TPGS1: variants seen among roughly 807,000 people sequenced by gnomAD.
TPGS1 encodes gene trap ROSA b-geo 22.
In TPGS1, 18 loss-of-function variants were observed where a neutral mutation model predicts 11.9. The ratio of observed to expected loss-of-function variants is 1.51; its 90% CI spans 1.04 to 2.24. The LOEUF (loss-of-function observed/expected upper bound fraction) is 2.24, where lower values mean the gene tolerates loss of function less well. Among genes scored for constraint, TPGS1 ranks in the 30% most tolerant of loss-of-function variants. TPGS1 has a pLI of 0.00. For missense variants in TPGS1, 500 were observed against 443.0 expected, an observed-to-expected ratio of 1.13 and a Z score of -1.16; for synonymous variants, 247 against 218.2, an observed-to-expected ratio of 1.13 and a Z score of -1.16.
intron 1 of TPGS1, among the ~76,000 whole-genome samples, chr19:516,777 G>C (rs11085085): frequency 1.3e-5 from 2 of 152,020 alleles, no homozygotes; most frequent in Non-Finnish European, 2.9e-5. Flanking sequence ...GCAGGAACTC[G>C]CTGGGCCTGT....
chr19:515,237 A>G (rs1978915447), intron 1 of TPGS1, among the ~76,000 whole-genome samples: 2 of 152,050 alleles, frequency 1.3e-5, no homozygotes, highest in South Asian at 4.2e-4. Flanking sequence ...GATTGTGGGG[A>G]GAGAAATACC....
chr19:508,027 T>C (rs922197441), intron 1 of TPGS1, 183 bp downstream of exon 1: 6 of 454,866 alleles, frequency 1.3e-5, no homozygotes, highest in African/African-American at 1.0e-4. Context: ...CGGGCTTCGG[T>C]CCGGCGCTAG....
At chr19:518,505 G>C (rs1319813513) in intron 1 of TPGS1, among the ~76,000 whole-genome samples, 83 of 106,914 alleles carry the variant, frequency 7.8e-4, no homozygotes, top group Non-Finnish European at 1.2e-3. Flanking sequence ...TGGAGATGCT[G>C]GGGGAGGAGA....
chr19:511,541 C>A (rs1032099101), intron 1 of TPGS1, among the ~76,000 whole-genome samples: 1 of 152,264 alleles, frequency 6.6e-6, no homozygotes, highest in African/African-American at 2.4e-5. Context: ...TCACAAGAAC[C>A]CCCACTCCGT....
intron 1 of TPGS1, chr19:508,643 G>C (rs775541523): frequency 3.3e-5 from 5 of 152,374 alleles, no homozygotes; most frequent in Non-Finnish European, 7.3e-5. Context: ...GTGCGCCCAA[G>C]AGAACCCAGG....
chr19:508,967 C>T (rs1978708555), intron 1 of TPGS1: 1 of 152,362 alleles, frequency 6.6e-6, no homozygotes, highest in Admixed American at 6.5e-5. Flanking sequence ...AAGGGCAGGC[C>T]CAGAGGGTCA....
At chr19:516,184 G>A (rs1978948892) in intron 1 of TPGS1, among the ~76,000 whole-genome samples, 1 of 152,232 alleles carries the variant, frequency 6.6e-6, no homozygotes, top group African/African-American at 2.4e-5. Flanking sequence ...GGGACAAAGA[G>A]TGGAGAGACC....
intron 1 of TPGS1, among the ~76,000 whole-genome samples, chr19:511,600 G>A (rs1262882295): frequency 6.6e-6 from 1 of 152,272 alleles, no homozygotes; most frequent in African/African-American, 2.4e-5. Flanking sequence ...CAGCTGGGAG[G>A]GGCAGACGAA....
intron 1 of TPGS1, among the ~76,000 whole-genome samples, 173 bp from the exon 2 acceptor site, chr19:518,716 C>T (rs1403997746): frequency 1.8e-4 from 23 of 128,866 alleles, no homozygotes; most frequent in Non-Finnish European, 2.8e-4. Flanking sequence ...AGAGGAGCTT[C>T]AGGGATAGAG....
chr19:514,296 C>T (rs1978889977), intron 1 of TPGS1, among the ~76,000 whole-genome samples: 1 of 151,934 alleles, frequency 6.6e-6, no homozygotes, highest in African/African-American at 2.4e-5. Context: ...TCTACACCGG[C>T]CCTGTATTAC....
At chr19:511,471 C>G (rs1255478037) in intron 1 of TPGS1, among the ~76,000 whole-genome samples, 1 of 152,272 alleles carries the variant, frequency 6.6e-6, no homozygotes, top group Non-Finnish European at 1.5e-5. Context: ...CAGGTGGGGC[C>G]TCCCACACGT....
intron 1 of TPGS1, chr19:510,372 CAA>C (rs556481115): frequency 9.8e-5 from 13 of 132,530 alleles, no homozygotes; most frequent in Non-Finnish European, 1.5e-4. Flanking sequence ...GACTCTGTCT[CAA>C]AAAAAAAAAA....
chr19:519,424 G>T lies in TPGS1; in HGVS notation c.*1G>T. ...CGCGAAGGTCAAGCCGGTGGGCTGA[G>T]GCCCGTGGGCCGCGCGGATCCGGGA... On this transcript the variant is annotated 3_prime_UTR_variant, in exon 2 of 2. Transcript: ENST00000359315. The T allele has an allele frequency of 8.2e-7, 1 of 1,212,316 alleles. No homozygotes were observed. The highest frequency in any genetic ancestry group is 1.6e-5 in the African/African-American group (1 of 63,110). The allele number at this position is 1,212,316 out of a possible 1,614,324, so 75.1% of individuals were successfully genotyped here. A position where few individuals can be genotyped will look rare whatever the true frequency, so the allele number is the denominator to read the frequency against.
rs1600406551 is a variant in TPGS1 at position 519,357 on chromosome 19, G to C, written c.807G>C (p.Met269Ile). 8.3e-7 allele frequency: 1 copy of C among 1,211,016 alleles called. No homozygotes were observed. Among genetic ancestry groups the C allele is most frequent in the Non-Finnish European group, 1.0e-6 (1 of 973,898 alleles). 75.0% of individuals were successfully genotyped at this position (1,211,016 alleles called of 1,614,324 possible). A position where few individuals can be genotyped will look rare whatever the true frequency, so the allele number is the denominator to read the frequency against. Residue 269 changes from methionine (M) to isoleucine (I), a missense_variant, in exon 2 of 2, where the codon ATG (methionine) becomes ATC (isoleucine). By Grantham distance (10) the Met-to-Ile change is conservative. Coordinates refer to ENST00000359315, the MANE Select transcript of TPGS1 (RefSeq NM_033513.3). ...GGGGGCGGCGGCCCAGCGCGCCCAT[G>C]ACCCGCGAGGAGTTTCTGGAGAGGG... ...AVGGRRPSAP[M>I]TREEFLERAA...
At chr19:514,341 A>G (rs1052958497) in intron 1 of TPGS1, among the ~76,000 whole-genome samples, 1 of 134,022 alleles carries the variant, frequency 7.5e-6, no homozygotes, top group Non-Finnish European at 1.6e-5. Flanking sequence ...CACGTTTACT[A>G]AGCACCTATT....
At position 519,328 on chromosome 19, in the gene TPGS1, G is replaced by C; in HGVS notation, c.778G>C (p.Val260Leu). 1 of 1,193,940 alleles carries C rather than the reference G, an allele frequency of 8.4e-7. No homozygotes were observed. The highest frequency in any genetic ancestry group is 1.0e-6 in the Non-Finnish European group (1 of 963,540). The allele number at this position is 1,193,940 out of a possible 1,614,324, so 74.0% of individuals were successfully genotyped here. A position where few individuals can be genotyped will look rare whatever the true frequency, so the allele number is the denominator to read the frequency against. Residue 260 changes from valine (V) to leucine (L), a missense_variant, in exon 2 of 2, where the codon GTC becomes CTC. By Grantham distance (32) the Val-to-Leu change is conservative (BLOSUM62 1). Transcript: ENST00000359315. ...DSLALALDRA[V>L]GGRRPSAPMT... ...CCTGGCGCTGGCGCTGGACCGCGCC[G>C]TCGGGGGGCGGCGGCCCAGCGCGCC... is the stretch of plus-strand genomic sequence containing the variant.
chr19:516,038 A>G (rs1337688594), intron 1 of TPGS1, among the ~76,000 whole-genome samples: 2 of 150,304 alleles, frequency 1.3e-5, no homozygotes, highest in Non-Finnish European at 3.0e-5. Context: ...TCTCAAAAAA[A>G]AAAAAAAAAG....
At chr19:509,036 G>A (rs923435744) in intron 1 of TPGS1, 1 of 152,540 alleles carries the variant, frequency 6.6e-6, no homozygotes, top group Admixed American at 6.5e-5. Flanking sequence ...AGAGCCACTT[G>A]CGGATTAAGT....
At chr19:516,341 C>T (rs1405745754) in intron 1 of TPGS1, among the ~76,000 whole-genome samples, 14 of 151,454 alleles carry the variant, frequency 9.2e-5, no homozygotes, top group Non-Finnish European at 1.8e-4. Flanking sequence ...GTTACAGAGG[C>T]GAGAAACAAA....
Sources: allele counts gnomAD v4.1 joint callset (sites outside exome capture counted in the v4.1 genomes callset), GRCh38; gene constraint gnomAD v4.1.1; transcripts MANE v1.5; gene names NCBI Gene and HGNC (gene_info 2026-07-23, HGNC 2026-07-21).